Variants in KCNQ5 observed in about 807,000 individuals in gnomAD.
KCNQ5 encodes the protein potassium voltage-gated channel subfamily Q member 5.
In KCNQ5, 30 loss-of-function variants were observed where a neutral mutation model predicts 98.2. The observed-to-expected ratio is 0.31, with a 90% CI of 0.23 to 0.41. KCNQ5 has a LOEUF of 0.41. Among genes scored for constraint, KCNQ5 ranks in the 10% least tolerant of loss-of-function variants. The pLI is 1.00. For missense variants in KCNQ5, 835 were observed against 1,182.5 expected (o/e 0.71, Z 4.31); for synonymous variants, 458 against 449.4 (o/e 1.02, Z -0.24).
At chr6:72,969,945 T>C (rs1767796635) in intron 1 of KCNQ5, among the ~76,000 whole-genome samples, 1 of 152,150 alleles carries the variant, frequency 6.6e-6, no homozygotes, top group Admixed American at 6.5e-5. Context: ...GAAGATTGGC[T>C]CTAGGACAAA....
chr6:72,902,255 G>A (rs1779535111), intron 1 of KCNQ5, among the ~76,000 whole-genome samples: 1 of 152,100 alleles, frequency 6.6e-6, no homozygotes, highest in South Asian at 2.1e-4. Flanking sequence ...AGTCTTTAGG[G>A]TTCTCAAGGT....
intron 3 of KCNQ5, among the ~76,000 whole-genome samples, chr6:73,066,854 G>A (rs572502316): frequency 6.6e-6 from 1 of 152,224 alleles, no homozygotes; most frequent in African/African-American, 2.4e-5. Flanking sequence ...AATGGAACCA[G>A]AACACTTCTA....
At chr6:72,716,553 A>G (rs556857244) in intron 1 of KCNQ5, among the ~76,000 whole-genome samples, 1 of 152,196 alleles carries the variant, frequency 6.6e-6, no homozygotes, top group Non-Finnish European at 1.5e-5. Context: ...GAGAAGCTTT[A>G]CTTTTTATCA....
chr6:73,132,266 G>C (rs1370795125), intron 9 of KCNQ5, among the ~76,000 whole-genome samples: 1 of 152,144 alleles, frequency 6.6e-6, no homozygotes, highest in African/African-American at 2.4e-5. Context: ...CTCTCTCAGA[G>C]TAGCTGCTCT....
At chr6:73,054,252 A>T (rs934043085) in intron 3 of KCNQ5, among the ~76,000 whole-genome samples, 1 of 152,184 alleles carries the variant, frequency 6.6e-6, no homozygotes, top group Non-Finnish European at 1.5e-5. Flanking sequence ...TCACAGCTGA[A>T]TATTACAAGA....
intron 1 of KCNQ5, among the ~76,000 whole-genome samples, chr6:72,679,587 G>A: frequency 9.3e-6 from 1 of 107,068 alleles, no homozygotes; most frequent in African/African-American, 3.6e-5. Context: ...GTGGGGGGAG[G>A]GGAGAGGGAT....
rs1172714173 is a variant in KCNQ5, at chr6:73,197,642, C to CACACACACACACA, written c.*2228_*2229insACACACACACACA. 7.0e-6 allele frequency: 1 copy of CACACACACACACA among 143,794 alleles called. No homozygotes were observed. Among genetic ancestry groups the CACACACACACACA allele is most frequent in the Non-Finnish European group, 1.5e-5 (1 of 65,924 alleles). 8.9% of individuals were successfully genotyped at this position (143,794 alleles called of 1,614,324 possible). On this transcript the variant is annotated 3_prime_UTR_variant, in exon 14 of 14. Transcript: ENST00000370398. ...ACACACACACACACACACACACACACCCCTCCACTGACCTAAAGCCAGACA... is the reference window on the plus strand; with the variant it reads ...ACACACACACACACACACACACACACACACACACACACACCCTCCACTGACCTAAAGCCAGACA...
intron 1 of KCNQ5, among the ~76,000 whole-genome samples, chr6:72,892,826 A>G (rs1779108635): frequency 6.6e-6 from 1 of 152,172 alleles, no homozygotes; most frequent in Admixed American, 6.5e-5. Context: ...GAATTAAAAT[A>G]TCAGAGTTGG....
chr6:72,862,095 G>A (rs1291015875), intron 1 of KCNQ5, among the ~76,000 whole-genome samples: 1 of 152,100 alleles, frequency 6.6e-6, no homozygotes, highest in Non-Finnish European at 1.5e-5. Flanking sequence ...ACTCCCACAG[G>A]CAAGTTAACT....
intron 1 of KCNQ5, among the ~76,000 whole-genome samples, chr6:72,796,491 G>A (rs1319936581): frequency 6.6e-6 from 1 of 152,034 alleles, no homozygotes; most frequent in Non-Finnish European, 1.5e-5. Flanking sequence ...CCAAGGCCAG[G>A]GCTATGACCT....
chr6:72,926,767 G>T (rs2350092), intron 1 of KCNQ5, among the ~76,000 whole-genome samples: 1 of 152,022 alleles, frequency 6.6e-6, no homozygotes, highest in Non-Finnish European at 1.5e-5. Context: ...TCTGAAAAAC[G>T]TCCTAAGATT....
chr6:72,849,457 T>G (rs1777156901), intron 1 of KCNQ5, among the ~76,000 whole-genome samples: 1 of 152,070 alleles, frequency 6.6e-6, no homozygotes, highest in Admixed American at 6.6e-5. Context: ...ATCTGTTATT[T>G]TTTGTATTTT....
intron 1 of KCNQ5, among the ~76,000 whole-genome samples, chr6:72,691,049 G>C (rs1293079765): frequency 6.6e-6 from 1 of 152,104 alleles, no homozygotes; most frequent in Non-Finnish European, 1.5e-5. Context: ...AGAGCAAACT[G>C]GCTTTTCTTC....
intron 3 of KCNQ5, among the ~76,000 whole-genome samples, chr6:73,052,006 G>T: frequency 6.6e-6 from 1 of 152,198 alleles, no homozygotes; most frequent in Non-Finnish European, 1.5e-5. Flanking sequence ...AAGTGATACA[G>T]GAGATGAAAG....
In KCNQ5 at chr6:72,831,631, T is replaced by A. The variant is rs1161330288; in HGVS notation, c.399-172277T>A. ...CAGTAGGAGATATACCTAATGTAAA[T>A]GACCAGTTAGTGGGTGCAGCACACC... On this transcript the variant is annotated intron_variant, in intron 1 of 13. Transcript: ENST00000370398. Among the ~76,000 whole-genome samples, 6 of 150,898 alleles carry A rather than the reference T, an allele frequency of 4.0e-5. No individual in the cohort carries two copies. In the East Asian group the frequency reaches 7.9e-4, roughly 20 times the overall value.
At chr6:73,028,896 A>C (rs2150346121) in intron 2 of KCNQ5, among the ~76,000 whole-genome samples, 1 of 152,276 alleles carries the variant, frequency 6.6e-6, no homozygotes, top group Non-Finnish European at 1.5e-5. Flanking sequence ...TCTACAACCA[A>C]ATAAAGGAGC....
chr6:72,639,687 A>C (rs1025223874), intron 1 of KCNQ5, among the ~76,000 whole-genome samples: 1 of 152,132 alleles, frequency 6.6e-6, no homozygotes, highest in Non-Finnish European at 1.5e-5. Flanking sequence ...AGTTCTAAAG[A>C]GCTTGAGATA....
chr6:72,855,410 G>A (rs1777487021), intron 1 of KCNQ5, among the ~76,000 whole-genome samples: 1 of 151,942 alleles, frequency 6.6e-6, no homozygotes, highest in African/African-American at 2.4e-5. Flanking sequence ...AATAAAGAAA[G>A]GTACTTTGTG....
chr6:72,762,183 A>C (rs1230103035), intron 1 of KCNQ5, among the ~76,000 whole-genome samples: 3 of 152,100 alleles, frequency 2.0e-5, no homozygotes, highest in African/African-American at 7.2e-5. Flanking sequence ...AAATTCAAAA[A>C]ATCACGTCAA....
Sources: gnomAD v4.1 joint callset for allele counts (sites outside exome capture counted in the v4.1 genomes callset) on GRCh38, gnomAD v4.1.1 for gene constraint, MANE v1.5 for transcripts, NCBI Gene and HGNC (gene_info 2026-07-23, HGNC 2026-07-21) for gene names.